SMOC2: variants seen among roughly 807,000 people sequenced by gnomAD.
The protein encoded by SMOC2 is SPARC related modular calcium binding 2.
In SMOC2, 39 loss-of-function variants were observed where a neutral mutation model predicts 61.4. The ratio of observed to expected loss-of-function variants is 0.64; its 90% CI spans 0.49 to 0.83. The LOEUF (loss-of-function observed/expected upper bound fraction) is 0.83. SMOC2 is among the 40% of genes least tolerant of loss of function. The pLI, the probability that SMOC2 is intolerant of heterozygous loss-of-function variation, is 0.00. For synonymous variants in SMOC2, 247 were observed against 239.9 expected, an observed-to-expected ratio of 1.03 and a Z score of -0.27; for missense variants, 556 against 592.9, an observed-to-expected ratio of 0.94 and a Z score of 0.65.
chr6:168,459,641 T>G (rs1443855324), intron 1 of SMOC2, among the ~76,000 whole-genome samples: 116 of 3,214 alleles, frequency 0.036, no homozygotes, highest in Admixed American at 0.043. Flanking sequence ...GGCCCTGGGG[T>G]GGGTGAGCTG....
At chr6:168,664,644 G>A in intron 12 of SMOC2, 1 of 459,556 alleles carries the variant, frequency 2.2e-6, no homozygotes, top group Admixed American at 2.4e-5. Context: ...AGCAAGACAA[G>A]TGTTGGGCTC....
At chr6:168,613,159 A>C (rs1256209372) in intron 9 of SMOC2, among the ~76,000 whole-genome samples, 1 of 152,220 alleles carries the variant, frequency 6.6e-6, no homozygotes, top group Admixed American at 6.5e-5. Flanking sequence ...CGCTGCGTGC[A>C]GTCTGATCTC....
chr6:168,556,504 C>T (rs1286591063), intron 7 of SMOC2, among the ~76,000 whole-genome samples: 1 of 152,178 alleles, frequency 6.6e-6, no homozygotes, highest in Non-Finnish European at 1.5e-5. Context: ...TCACATCCCA[C>T]GCGGGCGCTG....
intron 4 of SMOC2, among the ~76,000 whole-genome samples, chr6:168,528,862 A>G (rs1211907288): frequency 6.6e-6 from 1 of 152,274 alleles, no homozygotes; most frequent in African/African-American, 2.4e-5. Flanking sequence ...AATGAAACAG[A>G]AAAACATCAC....
rs767608976 is a variant in SMOC2 at position 168,650,797 on chromosome 6, G to A, written c.1010+14G>A. 10 of 1,602,106 alleles carry A rather than the reference G, an allele frequency of 6.2e-6. No individual in the cohort carries two copies. In the East Asian group the frequency reaches 6.7e-5, roughly 11 times the overall value. On this transcript the variant is annotated intron_variant, in intron 10 of 12. Transcript: ENST00000356284. Reference sequence around the variant, plus strand: ...CTCGTCAGGCAGGTACGCTGTGTTCGCCGTGGGACAACAAGTTGGCAGGGT... The same window carrying A: ...CTCGTCAGGCAGGTACGCTGTGTTCACCGTGGGACAACAAGTTGGCAGGGT...
chr6:168,652,435 T>C (rs1010184558), intron 10 of SMOC2, among the ~76,000 whole-genome samples: 9 of 152,230 alleles, frequency 5.9e-5, no homozygotes, highest in African/African-American at 2.2e-4. Context: ...GGTGCACTTT[T>C]AAAGATCCGC....
In SMOC2 at chr6:168,586,637, G is replaced by C. The variant is rs114123269; in HGVS notation, c.638-12181G>C. ...CATGGTACATCTCTTTATTTATTTA[G>C]GTGTTCTAATTTTTTCAGCAATGCT... On this transcript the variant is annotated intron_variant, in intron 7 of 12. Coordinates refer to ENST00000356284, the MANE Select transcript of SMOC2 (RefSeq NM_001166412.2). Among the ~76,000 whole-genome samples the C allele has an allele frequency of 2.7e-3, 415 of 152,124 alleles. 4 individuals are homozygous for C. Among genetic ancestry groups the C allele is most frequent in the African/African-American group, 9.3e-3 (388 of 41,530 alleles).
intron 1 of SMOC2, among the ~76,000 whole-genome samples, chr6:168,479,130 G>A (rs1351647891): frequency 1.3e-5 from 2 of 151,518 alleles, no homozygotes; most frequent in African/African-American, 4.9e-5. Context: ...ATGGTATCTG[G>A]TCTGGAACAG....
chr6:168,591,532 TA>T (rs1785180761), intron 7 of SMOC2, among the ~76,000 whole-genome samples: 3 of 152,040 alleles, frequency 2.0e-5, no homozygotes, highest in African/African-American at 7.2e-5. Flanking sequence ...AGAATGAACT[TA>T]ATACACTAAA....
At chr6:168,469,733 C>T (rs1358669068) in intron 1 of SMOC2, among the ~76,000 whole-genome samples, 1 of 152,112 alleles carries the variant, frequency 6.6e-6, no homozygotes, top group Non-Finnish European at 1.5e-5. Flanking sequence ...CAGAGACTGA[C>T]CACATGGCCA....
intron 7 of SMOC2, among the ~76,000 whole-genome samples, chr6:168,570,379 C>T (rs909809350): frequency 3.3e-5 from 5 of 152,034 alleles, no homozygotes; most frequent in Admixed American, 2.0e-4. Flanking sequence ...AGGCCCACCG[C>T]GGGGGCCGAC....
chr6:168,573,969 C>T (rs1163738561), intron 7 of SMOC2, among the ~76,000 whole-genome samples: 6 of 152,198 alleles, frequency 3.9e-5, no homozygotes, highest in Non-Finnish European at 8.8e-5. Context: ...ATAAGGGGCA[C>T]GTGCCCTTCT....
chr6:168,656,315 A>AGCCTG (rs1787321105), intron 11 of SMOC2, among the ~76,000 whole-genome samples: 1 of 151,992 alleles, frequency 6.6e-6, no homozygotes, highest in Admixed American at 6.6e-5. Context: ...GTTCAAAGTC[A>AGCCTG]GCCTGGCCAG....
chr6:168,505,475 T>A (rs967887859), intron 1 of SMOC2, among the ~76,000 whole-genome samples: 1 of 151,636 alleles, frequency 6.6e-6, no homozygotes, highest in African/African-American at 2.4e-5. Context: ...AGATGCCGGA[T>A]GAATGAGTGA....
At chr6:168,619,014 A>G (rs1786176499) in intron 9 of SMOC2, among the ~76,000 whole-genome samples, 1 of 152,230 alleles carries the variant, frequency 6.6e-6, no homozygotes, top group Non-Finnish European at 1.5e-5. Flanking sequence ...AGAATATCAG[A>G]GAACCAAGTG....
intron 9 of SMOC2, among the ~76,000 whole-genome samples, chr6:168,643,631 G>A (rs997901337): frequency 5.3e-5 from 8 of 152,200 alleles, no homozygotes; most frequent in African/African-American, 1.9e-4. Flanking sequence ...TGCTGTTCCC[G>A]GCCTCATCAT....
rs531417819 is a variant in SMOC2 at position 168,460,685 on chromosome 6, A to T, written c.84+19231A>T. On this transcript the variant is annotated intron_variant, in intron 1 of 12. Transcript: ENST00000356284. ...ACACTCCTTTGCTGGCTTGACATTT[A>T]AAGGTGAATTAATGCCACATTTTAA... is the stretch of plus-strand genomic sequence containing the variant. 7.9e-5 allele frequency among the ~76,000 whole-genome samples: 12 copies of T among 152,258 alleles called. 1 individual carries two copies. The South Asian group carries it at 2.3e-3, about 29-fold the overall frequency.
chr6:168,651,702 A>G (rs943669703), intron 10 of SMOC2, among the ~76,000 whole-genome samples: 4 of 152,184 alleles, frequency 2.6e-5, no homozygotes, highest in African/African-American at 9.7e-5. Context: ...AGGAAATAAA[A>G]AGGCAATACT....
intron 2 of SMOC2, among the ~76,000 whole-genome samples, chr6:168,518,881 C>T (rs1034183066): frequency 2.7e-5 from 4 of 145,870 alleles, no homozygotes; most frequent in African/African-American, 1.0e-4. Context: ...ATTCATGTGT[C>T]TGAGCATGCG....
Sources: gnomAD v4.1 joint callset for allele counts (sites outside exome capture counted in the v4.1 genomes callset) on GRCh38, gnomAD v4.1.1 for gene constraint, MANE v1.5 for transcripts, NCBI Gene and HGNC (gene_info 2026-07-23, HGNC 2026-07-21) for gene names.